Variants in PTPRD observed in about 807,000 individuals in gnomAD.
PTPRD encodes receptor-type tyrosine-protein phosphatase delta.
In PTPRD, 34 loss-of-function variants were observed where a neutral mutation model predicts 214.5. The observed-to-expected ratio is 0.16, with a 90% CI of 0.12 to 0.21. The LOEUF is 0.21. Ranked by LOEUF, PTPRD falls within the 10% of genes least tolerant of loss-of-function variation. The pLI is 1.00. For synonymous variants in PTPRD, 1,128 were observed against 845.7 expected (o/e 1.33, Z -5.79); for missense variants, 2,545 against 2,398.7 (o/e 1.06, Z -1.27).
intron 5 of PTPRD, among the ~76,000 whole-genome samples, chr9:9,789,438 T>C (rs2154494629): frequency 6.6e-6 from 1 of 152,256 alleles, no homozygotes; most frequent in East Asian, 1.9e-4. Flanking sequence ...GCACTATTTT[T>C]CCCTGTTCAC....
At chr9:9,623,976 G>A (rs1462556273) in intron 7 of PTPRD, among the ~76,000 whole-genome samples, 1 of 152,094 alleles carries the variant, frequency 6.6e-6, no homozygotes, top group Non-Finnish European at 1.5e-5. Context: ...CTAGTTTTGT[G>A]GGTCTGGAAA....
intron 4 of PTPRD, among the ~76,000 whole-genome samples, chr9:10,023,314 T>A (rs2096858859): frequency 6.6e-6 from 1 of 152,178 alleles, no homozygotes; most frequent in African/African-American, 2.4e-5. Context: ...GGGCTTCCAT[T>A]GGGAAAGGAA....
At chr9:10,554,810 G>A (rs773987666) in intron 2 of PTPRD, among the ~76,000 whole-genome samples, 15 of 151,944 alleles carry the variant, frequency 9.9e-5, no homozygotes, top group South Asian at 2.1e-4. Flanking sequence ...ACAGGCGCCC[G>A]CCACCACGCC....
At chr9:10,220,281 C>A (rs1413021028) in intron 3 of PTPRD, among the ~76,000 whole-genome samples, 1 of 151,742 alleles carries the variant, frequency 6.6e-6, no homozygotes, top group South Asian at 2.1e-4. Flanking sequence ...GTTGCAGGCA[C>A]TATTATTAGT....
intron 11 of PTPRD, among the ~76,000 whole-genome samples, chr9:8,996,256 C>A (rs1421630408): frequency 6.6e-6 from 1 of 152,022 alleles, no homozygotes; most frequent in African/African-American, 2.4e-5. Flanking sequence ...AATTGTGGTA[C>A]ATCCATACCT....
intron 5 of PTPRD, among the ~76,000 whole-genome samples, chr9:9,880,531 G>GAT (rs1221206610): frequency 6.6e-6 from 1 of 151,970 alleles, no homozygotes; most frequent in Non-Finnish European, 1.5e-5. Context: ...ATAATCTTCA[G>GAT]ATATTTACTT....
In PTPRD at chr9:10,053,067, A is replaced by G. The variant is rs536353168; in HGVS notation, c.-544-19277T>C. On this transcript the variant is annotated intron_variant, in intron 3 of 45. Coordinates refer to ENST00000381196, the MANE Select transcript of PTPRD (RefSeq NM_002839.4). ...ATATGTCATATTAATACATTTTCTCATGAGGAAAATAGATAAGGCAAATGT... is the reference window on the plus strand; with the variant it reads ...ATATGTCATATTAATACATTTTCTCGTGAGGAAAATAGATAAGGCAAATGT... Among the ~76,000 whole-genome samples, 10 of 152,302 alleles carry G rather than the reference A, an allele frequency of 6.6e-5. No homozygotes were observed. The South Asian group carries it at 2.1e-3, about 32-fold the overall frequency.
rs1038871389 is a variant in PTPRD, at chr9:8,317,276, T to A, written c.*598A>T. ...AAAATGAAGAGTTATGTAACTTTTT[T>A]AAAATTCACTTTATCGAATGATACA... On this transcript the variant is annotated 3_prime_UTR_variant, in exon 46 of 46. Transcript: ENST00000381196. The A allele has an allele frequency of 8.6e-5, 20 of 232,274 alleles. No homozygotes were observed. Among genetic ancestry groups the A allele is most frequent in the Non-Finnish European group, 1.4e-4 (17 of 117,244 alleles). The allele number at this position is 232,274 out of a possible 1,614,324, so 14.4% of individuals were successfully genotyped here. A position where few individuals can be genotyped will look rare whatever the true frequency, so the allele number is the denominator to read the frequency against.
intron 2 of PTPRD, among the ~76,000 whole-genome samples, chr9:10,401,147 T>G (rs575878423): frequency 6.6e-6 from 1 of 151,734 alleles, no homozygotes; most frequent in Admixed American, 6.6e-5. Flanking sequence ...AGTTAGAAAC[T>G]TAAAGTTTCT....
At chr9:9,811,519 G>A (rs1449280981) in intron 5 of PTPRD, among the ~76,000 whole-genome samples, 1 of 152,030 alleles carries the variant, frequency 6.6e-6, no homozygotes, top group Non-Finnish European at 1.5e-5. Flanking sequence ...CATCCTGGCT[G>A]ACACGGTGAA....
chr9:10,384,225 T>C (rs2097872124), intron 2 of PTPRD, among the ~76,000 whole-genome samples: 1 of 151,778 alleles, frequency 6.6e-6, no homozygotes, highest in Non-Finnish European at 1.5e-5. Flanking sequence ...GGAATGGATA[T>C]ACTATTTCAC....
At chr9:8,863,199 T>C (rs780586520) in intron 11 of PTPRD, among the ~76,000 whole-genome samples, 7 of 152,144 alleles carry the variant, frequency 4.6e-5, no homozygotes, top group Admixed American at 4.6e-4. Context: ...TATGGTACAA[T>C]GCTATTTGCT....
intron 11 of PTPRD, among the ~76,000 whole-genome samples, chr9:8,783,657 T>C (rs1323377894): frequency 6.6e-6 from 1 of 152,198 alleles, no homozygotes; most frequent in Non-Finnish European, 1.5e-5. Flanking sequence ...CCACTGGTGC[T>C]TGAGAGTGGC....
chr9:9,915,826 C>G (rs2080593289), intron 5 of PTPRD, among the ~76,000 whole-genome samples: 1 of 151,932 alleles, frequency 6.6e-6, no homozygotes, highest in Non-Finnish European at 1.5e-5. Context: ...CAGAAAACAT[C>G]TTGTTTTGTT....
At chr9:8,788,535 A>C (rs978902676) in intron 11 of PTPRD, among the ~76,000 whole-genome samples, 38 of 152,124 alleles carry the variant, frequency 2.5e-4, no homozygotes, top group African/African-American at 8.7e-4. Flanking sequence ...TCAGCCTCCC[A>C]AAGTGCTGGG....
At chr9:8,892,583 GTATA>G (rs1319644022) in intron 11 of PTPRD, among the ~76,000 whole-genome samples, 2 of 141,774 alleles carry the variant, frequency 1.4e-5, no homozygotes, top group Non-Finnish European at 1.6e-5. Context: ...ATATATGTGT[GTATA>G]TATATGTGTA....
At position 8,507,634 on chromosome 9, in the gene PTPRD, G is replaced by C. The variant is rs1205504168; in HGVS notation, c.1544-200C>G. ...ATGTTATAAATCCTGCTCTGGAGTA[G>C]TAGAACATCTACACAAGATATAGTA... On this transcript the variant is annotated intron_variant, in intron 21 of 45. Transcript: ENST00000381196. 2.6e-5 allele frequency among the ~76,000 whole-genome samples: 4 copies of C among 151,590 alleles called. No homozygotes were observed. The East Asian group carries it at 7.8e-4, about 29-fold the overall frequency.
At chr9:8,513,242 G>A (rs12339581) in intron 21 of PTPRD, among the ~76,000 whole-genome samples, 2,500 of 152,032 alleles carry the variant, frequency 0.016, 67 homozygotes, top group African/African-American at 0.057. Flanking sequence ...CTGTACTAAT[G>A]TTCACAATCA....
In PTPRD at chr9:8,347,322, C is replaced by T. The variant is rs75077148; in HGVS notation, c.4662-5344G>A. On this transcript the variant is annotated intron_variant, in intron 39 of 45. Coordinates refer to ENST00000381196, the MANE Select transcript of PTPRD (RefSeq NM_002839.4). ...AGAGTTCCTAACTTTGTTCTTCCAT[C>T]CATATTTGTTGTATTTTCATGACTC... Among the ~76,000 whole-genome samples the T allele has an allele frequency of 4.8e-3, 732 of 152,200 alleles. 6 individuals are homozygous for T. Among genetic ancestry groups the T allele is most frequent in the African/African-American group, 0.016 (664 of 41,526 alleles).
Sources: allele counts gnomAD v4.1 joint callset (sites outside exome capture counted in the v4.1 genomes callset), GRCh38; gene constraint gnomAD v4.1.1; transcripts MANE v1.5; gene names NCBI Gene and HGNC (gene_info 2026-07-23, HGNC 2026-07-21).